The following TGM6 variants were observed in gnomAD, a reference collection of about 807,000 sequenced individuals.
The protein encoded by TGM6 is transglutaminase 6.
A neutral mutation model predicts 77.5 loss-of-function variants in TGM6; 74 were observed. The observed-to-expected ratio is 0.96, with a 90% CI of 0.79 to 1.16. The LOEUF (loss-of-function observed/expected upper bound fraction) is 1.16. TGM6 is among the 50% of genes most tolerant of loss of function. TGM6 has a pLI of 0.00. For synonymous variants in TGM6, 383 were observed against 378.9 expected, an observed-to-expected ratio of 1.01 and a Z score of -0.12; for missense variants, 968 against 940.2, an observed-to-expected ratio of 1.03 and a Z score of -0.39.
rs201338900 is a variant in TGM6 at position 2,399,579 on chromosome 20, C to T, written c.691C>T (p.Arg231Ter). ...ISAMVNSNND[R>*]GVVQGQWQGK... ...TGCCCAGGTGAACAGCAACAACGAC[C>T]GAGGTGTGGTGCAAGGACAGTGGCA... Residue 231 changes from arginine to a stop codon, truncating the protein, a stop_gained, in exon 6 of 13, where the codon CGA (arginine) becomes TGA (stop). Transcript: ENST00000202625. LOFTEE classifies it high-confidence loss of function. 238 of 1,612,946 alleles carry T rather than the reference C, an allele frequency of 1.5e-4. No homozygotes were observed. Among genetic ancestry groups the T allele is most frequent in the Non-Finnish European group, 1.8e-4 (218 of 1,179,942 alleles).
chr20:2,430,839 T>C, intron 11 of TGM6, 55 bp from the exon 12 acceptor site: 1 of 1,613,838 alleles, frequency 6.2e-7, no homozygotes, highest in Non-Finnish European at 8.5e-7. Flanking sequence ...GGACCATCGG[T>C]TTCCTGGAGG....
At chr20:2,396,846 AG>A (rs1484112736) in intron 4 of TGM6, among the ~76,000 whole-genome samples, 1 of 152,182 alleles carries the variant, frequency 6.6e-6, no homozygotes, top group African/African-American at 2.4e-5. Context: ...GACACAGAAC[AG>A]GTCAGTATGG....
chr20:2,430,700 C>T (rs2084918352), intron 11 of TGM6, 100 bp downstream of exon 11: 3 of 1,599,074 alleles, frequency 1.9e-6, no homozygotes, highest in Non-Finnish European at 1.7e-6. Flanking sequence ...CCTTTAACTC[C>T]AGCTTTAGCT....
At chr20:2,421,574 T>C (rs930719042) in intron 10 of TGM6, among the ~76,000 whole-genome samples, 2 of 152,242 alleles carry the variant, frequency 1.3e-5, no homozygotes, top group Non-Finnish European at 2.9e-5. Context: ...TTGACATCTC[T>C]ATCTCTTCTT....
chr20:2,399,481 T>C (rs1376554279), intron 5 of TGM6, 80 bp from the exon 6 acceptor site: 4 of 1,605,134 alleles, frequency 2.5e-6, no homozygotes, highest in Admixed American at 3.3e-5. Context: ...TGGTCCAAAG[T>C]TGGACAGGAT....
intron 10 of TGM6, among the ~76,000 whole-genome samples, chr20:2,418,305 G>A (rs1443508838): frequency 2.0e-5 from 3 of 152,172 alleles, no homozygotes; most frequent in Non-Finnish European, 4.4e-5. Context: ...GGCCAGAGAT[G>A]TTTACTAAGT....
chr20:2,394,173 A>G (rs539573174), intron 1 of TGM6, among the ~76,000 whole-genome samples: 2 of 152,254 alleles, frequency 1.3e-5, no homozygotes, highest in South Asian at 2.1e-4. Context: ...TGCACCTGCT[A>G]GTTCCAGCTA....
At chr20:2,408,478 T>C (rs1370478845) in intron 9 of TGM6, among the ~76,000 whole-genome samples, 3 of 152,192 alleles carry the variant, frequency 2.0e-5, no homozygotes, top group Non-Finnish European at 4.4e-5. Flanking sequence ...AGAATGCTCC[T>C]AGACTGAGAG....
chr20:2,400,583 T>C (rs1029454426), intron 7 of TGM6, 139 bp downstream of exon 7: 3 of 1,244,070 alleles, frequency 2.4e-6, no homozygotes, highest in Non-Finnish European at 3.4e-6. Context: ...CTGGAGGGAG[T>C]GAGAGGCGCC....
chr20:2,432,471 TC>T lies in TGM6; in HGVS notation c.1968-15del. 1 of 1,613,560 alleles carries T rather than the reference TC, an allele frequency of 6.2e-7. No individual in the cohort carries two copies. Among genetic ancestry groups the T allele is most frequent in the Non-Finnish European group, 8.5e-7 (1 of 1,179,902 alleles). ...CAAGAGGACTGACAGTCTGCCTTTC[TC>T]CCCTCCCCTTCCTCCAGCGTGCCTA... On this transcript the variant is annotated intron_variant, in intron 12 of 12. Coordinates refer to ENST00000202625, the MANE Select transcript of TGM6 (RefSeq NM_198994.3).
Position 2,398,013 on chromosome 20 carries a change from C to T in TGM6, c.639C>T (p.Asn213=). The part of the protein sequence containing the change: ...NPATDVSCRH[N]PIYVTRVISA... ...CCACCGACGTGTCCTGCCGCCACAA[C>T]CCCATCTACGTCACCAGGGTCATCA... Residue 213 remains asparagine, a synonymous_variant, in exon 5 of 13, where the codon AAC becomes AAT. Coordinates refer to ENST00000202625, the MANE Select transcript of TGM6 (RefSeq NM_198994.3). 6.2e-7 allele frequency: 1 copy of T among 1,614,174 alleles called. No individual in the cohort carries two copies. Among genetic ancestry groups the T allele is most frequent in the South Asian group, 1.1e-5 (1 of 91,068 alleles).
intron 9 of TGM6, among the ~76,000 whole-genome samples, chr20:2,414,095 C>A (rs1428105351): frequency 1.3e-5 from 2 of 152,098 alleles, no homozygotes; most frequent in African/African-American, 4.8e-5. Context: ...AAGTCCAAGG[C>A]ATGAACCACC....
At chr20:2,385,681 T>G (rs1440840399) in intron 1 of TGM6, among the ~76,000 whole-genome samples, 1 of 151,988 alleles carries the variant, frequency 6.6e-6, no homozygotes, top group Non-Finnish European at 1.5e-5. Flanking sequence ...GGGTGGGGTG[T>G]GGACAGTCGG....
intron 1 of TGM6, among the ~76,000 whole-genome samples, chr20:2,384,889 C>T (rs767174698): frequency 6.6e-6 from 1 of 152,122 alleles, no homozygotes; most frequent in Non-Finnish European, 1.5e-5. Flanking sequence ...GTTGGCGAGC[C>T]TTTAGCCTTG....
intron 9 of TGM6, among the ~76,000 whole-genome samples, chr20:2,412,518 T>TAAAA (rs71329362): frequency 0.28 from 42,627 of 151,638 alleles, 8,169 homozygotes; most frequent in African/African-American, 0.55. Context: ...ATTTTTAAAA[T>TAAAA]AGAAAGAAGA....
At chr20:2,385,560 C>T (rs531501965) in intron 1 of TGM6, among the ~76,000 whole-genome samples, 2 of 152,240 alleles carry the variant, frequency 1.3e-5, no homozygotes, top group South Asian at 2.1e-4. Context: ...GTCTGCCTGC[C>T]CATGTCAGAG....
intron 9 of TGM6, among the ~76,000 whole-genome samples, chr20:2,409,593 T>A (rs1330811236): frequency 6.6e-6 from 1 of 151,694 alleles, no homozygotes; most frequent in Admixed American, 6.6e-5. Flanking sequence ...GCACCTATAG[T>A]TCCAGCTACT....
intron 10 of TGM6, among the ~76,000 whole-genome samples, chr20:2,428,160 T>A (rs528733220): frequency 6.6e-6 from 1 of 152,334 alleles, no homozygotes; most frequent in South Asian, 2.1e-4. Context: ...AATGTGATCC[T>A]TTTTGGTGAG....
chr20:2,421,280 C>T (rs547589621), intron 10 of TGM6, among the ~76,000 whole-genome samples: 3 of 152,278 alleles, frequency 2.0e-5, no homozygotes, highest in South Asian at 2.1e-4. Flanking sequence ...CCGCCGTGCC[C>T]GGCTCGAATT....
Sources: allele counts gnomAD v4.1 joint callset (sites outside exome capture counted in the v4.1 genomes callset), GRCh38; gene constraint gnomAD v4.1.1; transcripts MANE v1.5; gene names NCBI Gene and HGNC (gene_info 2026-07-23, HGNC 2026-07-21).